OSBPL2: variants seen among roughly 807,000 people sequenced by gnomAD.
OSBPL2 encodes the protein oxysterol-binding protein-related protein 2.
Under a neutral mutation model 58.4 loss-of-function variants are expected in OSBPL2, and 18 were observed. The observed-to-expected ratio is 0.31, with a 90% confidence interval of 0.21 to 0.46. OSBPL2 has a LOEUF of 0.46. OSBPL2 is among the 20% of genes least tolerant of loss of function. The pLI, the probability that OSBPL2 is intolerant of heterozygous loss-of-function variation, is 1.00. For missense variants in OSBPL2, 461 were observed against 616.5 expected, an observed-to-expected ratio of 0.75 and a Z score of 2.67; for synonymous variants, 221 against 234.1, an observed-to-expected ratio of 0.94 and a Z score of 0.51.
Position 62,269,033 on chromosome 20 carries a change from T to C in OSBPL2, c.259-3092T>C, listed in dbSNP as rs1179231680. On this transcript the variant is annotated intron_variant, in intron 4 of 13. Coordinates refer to ENST00000313733, the MANE Select transcript of OSBPL2 (RefSeq NM_144498.4). The surrounding 1 kb of genome is among the most constrained non-coding windows in gnomAD (Gnocchi z 4.2). Reference sequence around the variant, plus strand: ...GAGATCACACCATTGCACTGCTGCCTAGGCGACAGTGTGAGACTCCAACTC... The same window carrying C: ...GAGATCACACCATTGCACTGCTGCCCAGGCGACAGTGTGAGACTCCAACTC... 6.6e-6 allele frequency among the ~76,000 whole-genome samples: 1 copy of C among 151,694 alleles called. No individual in the cohort carries two copies. Among genetic ancestry groups the C allele is most frequent in the Non-Finnish European group, 1.5e-5 (1 of 67,928 alleles).
intron 4 of OSBPL2, chr20:62,264,488 C>T (rs1981538966): frequency 6.6e-6 from 1 of 152,288 alleles, no homozygotes; most frequent in African/African-American, 2.4e-5. Flanking sequence ...TGAAAACTCA[C>T]ATGGCCTGGG....
intron 2 of OSBPL2, among the ~76,000 whole-genome samples, chr20:62,257,416 C>T (rs1038689289): frequency 8.5e-5 from 13 of 152,210 alleles, no homozygotes; most frequent in African/African-American, 3.1e-4. Context: ...GGCTCAATTT[C>T]GAAGTCATTT....
Position 62,256,217 on chromosome 20 carries a change from C to T in OSBPL2, c.33C>T (p.Val11=). ...GAGAGGAAGAATTCTTTGATGCCGT[C>T]ACAGGTGAGTCAAAAGAGAACCAAC... MNGEEEFFDA[V]TGFDSDNSSG... is the part of the protein sequence containing the mutation. The change falls in exon 2 of 14, where the codon GTC becomes GTT. Residue 11 remains valine, a synonymous_variant. Transcript: ENST00000313733. 6.2e-7 allele frequency: 1 copy of T among 1,613,722 alleles called. No homozygotes were observed. The highest frequency in any genetic ancestry group is 8.5e-7 in the Non-Finnish European group (1 of 1,179,762).
chr20:62,276,664 T>C (rs1345750148), intron 6 of OSBPL2, among the ~76,000 whole-genome samples: 2 of 152,172 alleles, frequency 1.3e-5, no homozygotes, highest in African/African-American at 4.8e-5. Flanking sequence ...GACAGCAGGG[T>C]CCAGCAGGCA....
At chr20:62,243,518 C>T (rs1979882543) in intron 1 of OSBPL2, among the ~76,000 whole-genome samples, 1 of 152,218 alleles carries the variant, frequency 6.6e-6, no homozygotes, top group South Asian at 2.1e-4. Flanking sequence ...GGGTAGAAGG[C>T]TCCTGGGTTA....
chr20:62,279,477 C>T (rs1278718538), intron 7 of OSBPL2, 138 bp downstream of exon 7: 11 of 823,944 alleles, frequency 1.3e-5, no homozygotes, highest in South Asian at 1.8e-5. Context: ...ACAGCAGAAA[C>T]GTCTTCAGAT....
intron 4 of OSBPL2, among the ~76,000 whole-genome samples, chr20:62,266,229 A>G (rs989809491): frequency 6.6e-6 from 1 of 152,164 alleles, no homozygotes; most frequent in Non-Finnish European, 1.5e-5. Context: ...TTGAGGTGAA[A>G]GTTTCATGTG....
intron 10 of OSBPL2, chr20:62,285,142 C>G: frequency 6.6e-6 from 1 of 152,304 alleles, no homozygotes; most frequent in East Asian, 1.9e-4. Flanking sequence ...CCTCCGGATC[C>G]CAAGTGTTTT....
At chr20:62,263,753 C>T (rs938219992) in intron 4 of OSBPL2, 62 bp downstream of exon 4, 18 of 1,442,908 alleles carry the variant, frequency 1.2e-5, no homozygotes, top group Non-Finnish European at 1.8e-5. Flanking sequence ...GAAGGTATTG[C>T]AGTGCTGGTG....
rs774733334 is a variant in OSBPL2, at chr20:62,281,744, C to T, written c.783-46C>T. Reference sequence around the variant, plus strand: ...CCTGTTACAGAGTTACCCTTTCCGGCTGTTTGCTGTCTTGCAGCAGAAACC... The same window carrying T: ...CCTGTTACAGAGTTACCCTTTCCGGTTGTTTGCTGTCTTGCAGCAGAAACC... On this transcript the variant is annotated intron_variant, in intron 8 of 13. Coordinates refer to ENST00000313733, the MANE Select transcript of OSBPL2 (RefSeq NM_144498.4). 2.1e-6 allele frequency: 3 copies of T among 1,429,992 alleles called. No homozygotes were observed. In the African/African-American group the frequency reaches 4.2e-5, roughly 20 times the overall value. 88.6% of individuals were successfully genotyped at this position (1,429,992 alleles called of 1,614,324 possible). A position where few individuals can be genotyped will look rare whatever the true frequency, so the allele number is the denominator to read the frequency against.
intron 10 of OSBPL2, 86 bp downstream of exon 10, chr20:62,284,255 G>A: frequency 6.5e-7 from 1 of 1,550,334 alleles, no homozygotes; most frequent in South Asian, 1.1e-5. Flanking sequence ...CACCTGTTGG[G>A]GTCCCAGGGA....
intron 1 of OSBPL2, among the ~76,000 whole-genome samples, chr20:62,243,254 C>G (rs768501834): frequency 6.6e-6 from 1 of 152,234 alleles, no homozygotes; most frequent in Non-Finnish European, 1.5e-5. Context: ...GGCTTGGCCT[C>G]TCTTGATGAT....
chr20:62,249,605 G>A (rs1230201507), intron 1 of OSBPL2, among the ~76,000 whole-genome samples: 2 of 152,116 alleles, frequency 1.3e-5, no homozygotes, highest in Non-Finnish European at 2.9e-5. Context: ...AAAATAAACA[G>A]CCTCTGTCGC....
chr20:62,271,187 C>T (rs953482056), intron 4 of OSBPL2, among the ~76,000 whole-genome samples: 5 of 152,104 alleles, frequency 3.3e-5, no homozygotes, highest in African/African-American at 7.2e-5. Context: ...CCTGGAAGCC[C>T]GGTGGGAAGA....
intron 3 of OSBPL2, among the ~76,000 whole-genome samples, chr20:62,262,334 C>T (rs1300667658): frequency 1.3e-5 from 2 of 152,224 alleles, no homozygotes; most frequent in African/African-American, 2.4e-5. Context: ...TTCAGGTCCT[C>T]GGGTGTGTCA....
At chr20:62,283,220 GT>G in intron 9 of OSBPL2, among the ~76,000 whole-genome samples, 1 of 152,316 alleles carries the variant, frequency 6.6e-6, no homozygotes, top group African/African-American at 2.4e-5. Flanking sequence ...TGGTTGTCTG[GT>G]TTTCCATCCT....
intron 1 of OSBPL2, chr20:62,238,871 G>T (rs1462544003): frequency 7.1e-6 from 1 of 141,772 alleles, no homozygotes; most frequent in Non-Finnish European, 1.6e-5. Flanking sequence ...CGCGGCCCCC[G>T]CACCCTTCCC....
intron 6 of OSBPL2, among the ~76,000 whole-genome samples, 193 bp downstream of exon 6, chr20:62,273,599 G>A (rs572915900): frequency 2.6e-5 from 4 of 152,324 alleles, no homozygotes; most frequent in Admixed American, 2.0e-4. Context: ...GCGTGCCACG[G>A]CGTCTGAGTG....
chr20:62,280,533 C>T (rs549316425), intron 7 of OSBPL2, among the ~76,000 whole-genome samples: 1 of 152,364 alleles, frequency 6.6e-6, no homozygotes, highest in South Asian at 2.1e-4. Context: ...CTGTGGCTCC[C>T]CCACGTAGCA....
Sources: gnomAD v4.1 joint callset for allele counts (sites outside exome capture counted in the v4.1 genomes callset) on GRCh38, gnomAD v4.1.1 for gene constraint, Gnocchi (gnomAD v3.1) non-coding constraint, MANE v1.5 for transcripts, NCBI Gene and HGNC (gene_info 2026-07-23, HGNC 2026-07-21) for gene names.